MMD2: variants seen among roughly 807,000 people sequenced by gnomAD.
MMD2 encodes the protein monocyte to macrophage differentiation associated 2.
MMD2 carries 30 observed loss-of-function variants against 33.5 expected under a neutral mutation model. That is an observed-to-expected ratio of 0.90 (90% CI 0.67 to 1.22). The LOEUF (loss-of-function observed/expected upper bound fraction) is 1.22, where lower values mean the gene tolerates loss of function less well. Ranked by LOEUF, MMD2 falls within the 50% of genes most tolerant of loss-of-function variation. MMD2 has a pLI of 0.00. For missense variants in MMD2, 364 were observed against 325.4 expected, an observed-to-expected ratio of 1.12 and a Z score of -0.91; for synonymous variants, 129 against 123.0, an observed-to-expected ratio of 1.05 and a Z score of -0.32.
intron 4 of MMD2, among the ~76,000 whole-genome samples, chr7:4,912,983 C>CG (rs1200960984): frequency 6.6e-6 from 1 of 152,158 alleles, no homozygotes; most frequent in African/African-American, 2.4e-5. Context: ...GGATTACAGG[C>CG]GTGAGCCACG....
At chr7:4,918,486 T>TC (rs1198706886) in intron 3 of MMD2, among the ~76,000 whole-genome samples, 2 of 57,824 alleles carry the variant, frequency 3.5e-5, no homozygotes, top group African/African-American at 4.4e-4. Flanking sequence ...TTTCTTTCTT[T>TC]TTTTTTTTTT....
At chr7:4,897,819 C>A in the MMD2 span, among the ~76,000 whole-genome samples, 2 of 151,356 alleles carry the variant, frequency 1.3e-5, no homozygotes, top group South Asian at 4.2e-4. Context: ...CTCACTGAAA[C>A]CTCTGCCTCC....
chr7:4,958,725 A>G (rs1468683601), intron 1 of MMD2, among the ~76,000 whole-genome samples: 17 of 152,198 alleles, frequency 1.1e-4, no homozygotes, highest in Admixed American at 1.1e-3. Context: ...CGTGGAAATG[A>G]GGTTCAGAGA....
At chr7:4,918,290 T>C (rs1475390383) in intron 3 of MMD2, among the ~76,000 whole-genome samples, 1 of 152,168 alleles carries the variant, frequency 6.6e-6, no homozygotes, top group Admixed American at 6.6e-5. Context: ...TGGCTCTGTC[T>C]AGCAAAGTGC....
intron 1 of MMD2, among the ~76,000 whole-genome samples, chr7:4,927,321 G>A (rs1004572783): frequency 2.0e-5 from 3 of 151,972 alleles, no homozygotes; most frequent in African/African-American, 7.2e-5. Context: ...GAGGCAGGCG[G>A]ATCACTTTAG....
intron 1 of MMD2, among the ~76,000 whole-genome samples, chr7:4,953,001 T>C (rs113510976): frequency 1.4e-3 from 207 of 151,976 alleles, no homozygotes; most frequent in African/African-American, 4.8e-3. Flanking sequence ...GTTTGTTTTT[T>C]TGTTTGCTTA....
chr7:4,901,766 G>T (rs750935329), downstream of MMD2, among the ~76,000 whole-genome samples: 3 of 152,244 alleles, frequency 2.0e-5, no homozygotes, highest in Non-Finnish European at 4.4e-5. Context: ...TTCACAAGAG[G>T]TACAGCTGGG....
In MMD2 at chr7:4,946,947, C is replaced by T. The variant is rs1290256096; in HGVS notation, c.47+12024G>A. On this transcript the variant is annotated intron_variant, in intron 1 of 6. Transcript: ENST00000401401. This position sits in a 1 kb window ranked among gnomAD's most constrained non-coding sequence, Gnocchi z 5.0. ...TTTAGGCTGGGTGTGGTGGCTCATA[C>T]CTGTAATCCCAGCACTTTGGGAGAC... Among the ~76,000 whole-genome samples, 1 of 152,134 alleles carries T rather than the reference C, an allele frequency of 6.6e-6. No homozygotes were observed. The highest frequency in any genetic ancestry group is 1.5e-5 in the Non-Finnish European group (1 of 68,026).
At chr7:4,943,266 C>T (rs1562492790) in intron 1 of MMD2, among the ~76,000 whole-genome samples, 1 of 151,832 alleles carries the variant, frequency 6.6e-6, no homozygotes, top group Non-Finnish European at 1.5e-5. Context: ...GCCTCAGCCT[C>T]CCAAAGTACT....
intron 1 of MMD2, among the ~76,000 whole-genome samples, chr7:4,948,445 C>T (rs1263662537): frequency 6.6e-6 from 1 of 152,054 alleles, no homozygotes. Flanking sequence ...ATCACTTGAA[C>T]CTGGGAGGCA....
chr7:4,898,889 A>C, the MMD2 span, among the ~76,000 whole-genome samples: 1 of 151,862 alleles, frequency 6.6e-6, no homozygotes, highest in Non-Finnish European at 1.5e-5. Flanking sequence ...ACACAGTGAG[A>C]CTCTGTCTCA....
intron 1 of MMD2, among the ~76,000 whole-genome samples, chr7:4,928,390 C>G (rs552939301): frequency 2.0e-5 from 3 of 151,718 alleles, no homozygotes; most frequent in Non-Finnish European, 2.9e-5. Flanking sequence ...CTGGAACATT[C>G]GCTGAGCACC....
intron 1 of MMD2, among the ~76,000 whole-genome samples, chr7:4,935,866 C>T (rs1219348572): frequency 6.6e-6 from 1 of 151,836 alleles, no homozygotes; most frequent in Non-Finnish European, 1.5e-5. Context: ...TTGCAACTAC[C>T]TGTGCATTTA....
rs116793117 is a variant in MMD2, at chr7:4,907,350, G to T, written c.*46C>A. 1.3e-6 allele frequency: 2 copies of T among 1,586,422 alleles called. No individual in the cohort carries two copies. The highest frequency in any genetic ancestry group is 1.1e-5 in the South Asian group (1 of 90,310). On this transcript the variant is annotated 3_prime_UTR_variant, in exon 7 of 7. Coordinates refer to ENST00000401401, the MANE Select transcript of MMD2 (RefSeq NM_198403.4). ...GCTCTGGGTTAACGTTCACAGAAACGTGCTCCACTCCTAAAGCCCAAACGA... is the reference window on the plus strand; with the variant it reads ...GCTCTGGGTTAACGTTCACAGAAACTTGCTCCACTCCTAAAGCCCAAACGA...
chr7:4,906,963 A>G lies in MMD2; in HGVS notation c.*433T>C, dbSNP rs1423568204. ...CTGGGCTGTCCCCTTTCCCTGAACC[A>G]GAGACAATTCGCCAGCCTGGACTTT... On this transcript the variant is annotated 3_prime_UTR_variant, in exon 7 of 7. Transcript: ENST00000401401. 1 of 236,864 alleles carries G rather than the reference A, an allele frequency of 4.2e-6. No individual in the cohort carries two copies. Among genetic ancestry groups the G allele is most frequent in the Non-Finnish European group, 8.2e-6 (1 of 121,942 alleles). 14.7% of individuals were successfully genotyped at this position (236,864 alleles called of 1,614,324 possible).
intron 1 of MMD2, among the ~76,000 whole-genome samples, chr7:4,953,348 C>T (rs962062338): frequency 6.6e-6 from 1 of 150,890 alleles, no homozygotes; most frequent in Non-Finnish European, 1.5e-5. Context: ...TCCTACAACT[C>T]CTGAACTCCT....
chr7:4,952,883 G>A (rs1253119607), intron 1 of MMD2, among the ~76,000 whole-genome samples: 1 of 151,806 alleles, frequency 6.6e-6, no homozygotes, highest in Non-Finnish European at 1.5e-5. Context: ...GTAGAGAAGG[G>A]GTTCACCACG....
In MMD2 at chr7:4,946,101, ATGCACACG is replaced by A. The variant is rs958260769; in HGVS notation, c.47+12862_47+12869del. Reference sequence around the variant, plus strand: ...CACGCACACGCACGCACACACACGCATGCACACGCGCACACGCACGCACACACCTGCAC... The same window carrying A: ...CACGCACACGCACGCACACACACGCACGCACACGCACGCACACACCTGCAC... On this transcript the variant is annotated intron_variant, in intron 1 of 6. Coordinates refer to ENST00000401401, the MANE Select transcript of MMD2 (RefSeq NM_198403.4). The surrounding 1 kb of genome is among the most constrained non-coding windows in gnomAD (Gnocchi z 5.0). 7.3e-5 allele frequency among the ~76,000 whole-genome samples: 11 copies of A among 151,136 alleles called. No individual in the cohort carries two copies. The highest frequency in any genetic ancestry group is 3.9e-4 in the East Asian group (2 of 5,128).
At chr7:4,910,586 C>G (rs1176102217) in intron 5 of MMD2, among the ~76,000 whole-genome samples, 2 of 152,048 alleles carry the variant, frequency 1.3e-5, no homozygotes, top group East Asian at 1.9e-4. Flanking sequence ...CCCCCGCCTC[C>G]CCCCCTAACC....
Sources: allele counts gnomAD v4.1 joint callset (sites outside exome capture counted in the v4.1 genomes callset), GRCh38; gene constraint gnomAD v4.1.1; non-coding constraint Gnocchi (gnomAD v3.1); transcripts MANE v1.5; gene names NCBI Gene and HGNC (gene_info 2026-07-23, HGNC 2026-07-21).